Variants in OVOL1 observed in about 807,000 individuals in gnomAD.
The protein encoded by OVOL1 is ovo like transcriptional repressor 1, also known as putative transcription factor Ovo-like 1.
Under a neutral mutation model 21.5 loss-of-function variants are expected in OVOL1, and 10 were observed. The ratio of observed to expected loss-of-function variants is 0.46; its 90% confidence interval spans 0.29 to 0.79. The LOEUF (loss-of-function observed/expected upper bound fraction) is 0.79, where lower values mean the gene tolerates loss of function less well. OVOL1 is among the 30% of genes least tolerant of loss of function. OVOL1 has a pLI of 0.10. For missense variants in OVOL1, 279 were observed against 362.3 expected (o/e 0.77, Z 1.87); for synonymous variants, 129 against 150.3 (o/e 0.86, Z 1.03).
chr11:65,794,989 C>A (rs1450338896), intron 3 of OVOL1, 57 bp from the exon 4 acceptor site: 9 of 1,555,726 alleles, frequency 5.8e-6, no homozygotes, highest in Non-Finnish European at 7.0e-6. Context: ...TGGAAGCAGC[C>A]GACAGCCTCT....
chr11:65,794,488 T>C lies in OVOL1; in HGVS notation c.319-50T>C, dbSNP rs745714872. The C allele has an allele frequency of 3.3e-5, 52 of 1,568,364 alleles. No homozygotes were observed. The Admixed American group carries it at 7.6e-4, about 23-fold the overall frequency. Reference sequence around the variant, plus strand: ...TCCACGTCTTCCCAATCTGCCAGCCTGTGGCCCCAACTTCTGGATGTCTGT... The same window carrying C: ...TCCACGTCTTCCCAATCTGCCAGCCCGTGGCCCCAACTTCTGGATGTCTGT... On this transcript the variant is annotated intron_variant, in intron 2 of 3. Transcript: ENST00000335987.
At chr11:65,787,528 G>C in intron 1 of OVOL1, 55 bp downstream of exon 1, 1 of 1,040,906 alleles carries the variant, frequency 9.6e-7, no homozygotes, top group Non-Finnish European at 1.3e-6. Context: ...TCGAGGCTGC[G>C]GGCGGGCGGG....
intron 1 of OVOL1, chr11:65,789,077 G>T: frequency 1.0e-6 from 1 of 985,218 alleles, no homozygotes; most frequent in African/African-American, 1.7e-5. Context: ...CCTGAGCCAG[G>T]CTCAGTGTGC....
chr11:65,789,420 C>A (rs1317552993), intron 1 of OVOL1: 1 of 153,012 alleles, frequency 6.5e-6, no homozygotes, highest in African/African-American at 2.4e-5. Flanking sequence ...TCCTCATCCC[C>A]ATGGCAAGGA....
chr11:65,794,394 G>A, intron 2 of OVOL1, 144 bp from the exon 3 acceptor site: 1 of 1,081,086 alleles, frequency 9.2e-7, no homozygotes. Flanking sequence ...CGATCTCCGG[G>A]CAGACGGCAC....
intron 3 of OVOL1, 92 bp from the exon 4 acceptor site, chr11:65,794,954 G>T: frequency 1.5e-6 from 2 of 1,355,174 alleles, no homozygotes; most frequent in East Asian, 4.9e-5. Context: ...GGCCCTAGAG[G>T]CAGGGGTCCT....
At chr11:65,790,861 C>G (rs896515923) in intron 1 of OVOL1, 17 of 152,420 alleles carry the variant, frequency 1.1e-4, no homozygotes, top group African/African-American at 3.6e-4. Context: ...TCAGAAAGAA[C>G]AGGTGAGGGC....
At chr11:65,792,164 G>A (rs1206462586) in intron 1 of OVOL1, among the ~76,000 whole-genome samples, 1 of 152,244 alleles carries the variant, frequency 6.6e-6, no homozygotes, top group Non-Finnish European at 1.5e-5. Context: ...GAACAGCAGA[G>A]GTGGGCAAAG....
At chr11:65,789,655 G>C (rs1181046270) in intron 1 of OVOL1, 3 of 985,134 alleles carry the variant, frequency 3.0e-6, no homozygotes, top group African/African-American at 3.5e-5. Flanking sequence ...TGACCCCAGA[G>C]CCAGCTGGGC....
chr11:65,795,707 T>G lies in OVOL1; in HGVS notation c.*366T>G. The G allele has an allele frequency of 6.4e-6, 2 of 311,686 alleles. No homozygotes were observed. The highest frequency in any genetic ancestry group is 6.1e-6 in the Non-Finnish European group (1 of 163,276). The allele number at this position is 311,686 out of a possible 1,614,324, so 19.3% of individuals were successfully genotyped here. On this transcript the variant is annotated 3_prime_UTR_variant, in exon 4 of 4. Coordinates refer to ENST00000335987, the MANE Select transcript of OVOL1 (RefSeq NM_004561.4). This position sits in a 1 kb window ranked among gnomAD's most constrained non-coding sequence, Gnocchi z 5.7. Reference sequence around the variant, plus strand: ...GAGGAGGTTCGAGCTAGGATCCCACTGCCCCCGCCTCTCAGCACAGGGCAG... The same window carrying G: ...GAGGAGGTTCGAGCTAGGATCCCACGGCCCCCGCCTCTCAGCACAGGGCAG...
chr11:65,787,572 C>G (rs1857929402), intron 1 of OVOL1, 99 bp downstream of exon 1: 1 of 521,106 alleles, frequency 1.9e-6, no homozygotes, highest in Non-Finnish European at 2.6e-6. Flanking sequence ...GCGGCAGGCG[C>G]GGTGTGGGCG....
Position 65,787,354 on chromosome 11 carries a change from C to G in OVOL1, c.-20C>G. ...CTTCAGTTACGGAAGCGGCCCGTGTCCAGCGACGAGGGTTCGAAAATGCCC... is the reference window on the plus strand; with the variant it reads ...CTTCAGTTACGGAAGCGGCCCGTGTGCAGCGACGAGGGTTCGAAAATGCCC... On this transcript the variant is annotated 5_prime_UTR_variant, in exon 1 of 4. Transcript: ENST00000335987. The G allele has an allele frequency of 1.9e-6, 3 of 1,560,448 alleles. No homozygotes were observed. The highest frequency in any genetic ancestry group is 2.6e-6 in the Non-Finnish European group (3 of 1,152,092).
chr11:65,794,420 G>A (rs1591002293), intron 2 of OVOL1, 118 bp from the exon 3 acceptor site: 1 of 1,137,186 alleles, frequency 8.8e-7, no homozygotes, highest in Non-Finnish European at 1.3e-6. Context: ...TGTGGTCTCT[G>A]GGAGGTGGGC....
intron 1 of OVOL1, among the ~76,000 whole-genome samples, chr11:65,788,101 C>T (rs931783396): frequency 2.6e-5 from 4 of 152,222 alleles, no homozygotes; most frequent in Admixed American, 6.5e-5. Flanking sequence ...CGCTGCGCCC[C>T]GCTTGCCCTT....
chr11:65,788,997 T>C, intron 1 of OVOL1: 1 of 985,464 alleles, frequency 1.0e-6, no homozygotes, highest in Non-Finnish European at 1.2e-6. Context: ...CACCTGTGTT[T>C]GACTTGCTGC....
chr11:65,793,751 C>T lies in OVOL1; in HGVS notation c.101-280C>T, dbSNP rs781431837. The T allele has an allele frequency of 9.0e-5, 46 of 513,828 alleles. No individual in the cohort carries two copies. The Middle Eastern group carries it at 1.6e-3, about 18-fold the overall frequency. The allele number at this position is 513,828 out of a possible 1,614,324, so 31.8% of individuals were successfully genotyped here. ...CCCAGGTGGGGCAGGCAGAAAACTC[C>T]GGAGGGATAATTGGCAGGGCAGTTC... On this transcript the variant is annotated intron_variant, in intron 1 of 3. Coordinates refer to ENST00000335987, the MANE Select transcript of OVOL1 (RefSeq NM_004561.4).
At position 65,795,713 on chromosome 11, in the gene OVOL1, C is replaced by T. The variant is rs550991862; in HGVS notation, c.*372C>T. ...GTTCGAGCTAGGATCCCACTGCCCCCGCCTCTCAGCACAGGGCAGGGGCTG... is the reference window on the plus strand; with the variant it reads ...GTTCGAGCTAGGATCCCACTGCCCCTGCCTCTCAGCACAGGGCAGGGGCTG... On this transcript the variant is annotated 3_prime_UTR_variant, in exon 4 of 4. Transcript: ENST00000335987. This position sits in a 1 kb window ranked among gnomAD's most constrained non-coding sequence, Gnocchi z 5.7. The T allele has an allele frequency of 4.2e-5, 13 of 310,816 alleles. No individual in the cohort carries two copies. The highest frequency in any genetic ancestry group is 6.1e-5 in the Non-Finnish European group (10 of 162,812). The allele number at this position is 310,816 out of a possible 1,614,324, so 19.3% of individuals were successfully genotyped here. A position where few individuals can be genotyped will look rare whatever the true frequency, so the allele number is the denominator to read the frequency against.
chr11:65,794,782 G>T (rs1429170462), intron 3 of OVOL1, 55 bp downstream of exon 3: 2 of 1,564,496 alleles, frequency 1.3e-6, no homozygotes, highest in Admixed American at 1.7e-5. Flanking sequence ...GGCCGCGGCC[G>T]TGCGGGAAAA....
chr11:65,791,521 G>A (rs1858017424), intron 1 of OVOL1, among the ~76,000 whole-genome samples: 1 of 152,238 alleles, frequency 6.6e-6, no homozygotes, highest in Non-Finnish European at 1.5e-5. Context: ...TGGATGGGGG[G>A]ACCCGGCACT....
Sources: gnomAD v4.1 joint callset for allele counts (sites outside exome capture counted in the v4.1 genomes callset) on GRCh38, gnomAD v4.1.1 for gene constraint, Gnocchi (gnomAD v3.1) non-coding constraint, MANE v1.5 for transcripts, NCBI Gene and HGNC (gene_info 2026-07-23, HGNC 2026-07-21) for gene names.